The following PTCD3 variants were observed in gnomAD, a reference collection of about 807,000 sequenced individuals.
The protein encoded by PTCD3 is pentatricopeptide repeat domain 3.
PTCD3 carries 89 observed loss-of-function variants against 101.9 expected under a neutral mutation model. That is an observed-to-expected ratio of 0.87 (90% CI 0.74 to 1.04). PTCD3 has a LOEUF of 1.04. PTCD3 is among the 50% of genes least tolerant of loss of function. The pLI is 0.00. For synonymous variants in PTCD3, 296 were observed against 278.5 expected, an observed-to-expected ratio of 1.06 and a Z score of -0.63; for missense variants, 870 against 828.2, an observed-to-expected ratio of 1.05 and a Z score of -0.62.
At chr2:86,135,557 G>A (rs1674569526) in intron 21 of PTCD3, among the ~76,000 whole-genome samples, 1 of 152,174 alleles carries the variant, frequency 6.6e-6, no homozygotes, top group Non-Finnish European at 1.5e-5. Context: ...GCATATTCAT[G>A]TTTCCAAAAA....
chr2:86,132,622 G>GT (rs11333311), intron 17 of PTCD3, 198 bp downstream of exon 17: 7,540 of 218,006 alleles, frequency 0.035, 302 homozygotes, highest in East Asian at 0.19. Context: ...TCCTTTAAGG[G>GT]TTTTTTTTTT....
At position 86,140,875 on chromosome 2, in the gene PTCD3, A is replaced by T. The variant is rs1388935063; in HGVS notation, c.*3316A>T. 2 of 147,550 alleles carry T rather than the reference A, an allele frequency of 1.4e-5. No homozygotes were observed. The highest frequency in any genetic ancestry group is 5.0e-5 in the African/African-American group (2 of 40,032). 9.1% of individuals were successfully genotyped at this position (147,550 alleles called of 1,614,324 possible). A position where few individuals can be genotyped will look rare whatever the true frequency, so the allele number is the denominator to read the frequency against. On this transcript the variant is annotated 3_prime_UTR_variant, in exon 24 of 24. Transcript: ENST00000254630. ...TGGAGGATTGCTTGAGTTCAAGACCAGCCTGAGCAACACAGTGAAAACCCA... is the reference window on the plus strand; with the variant it reads ...TGGAGGATTGCTTGAGTTCAAGACCTGCCTGAGCAACACAGTGAAAACCCA...
Position 86,137,459 on chromosome 2 carries a change from T to A in PTCD3, c.1980-10T>A, listed in dbSNP as rs201475270. ...TTGCAGTGTAATCCTCCATTTTCTT[T>A]TCTTAACAGGGAAGCCCTAAGTAAT... On this transcript the variant is annotated splice_polypyrimidine_tract_variant and intron_variant, in intron 23 of 23. Transcript: ENST00000254630. 4.3e-6 allele frequency: 7 copies of A among 1,613,288 alleles called. No homozygotes were observed. In the Admixed American group the frequency reaches 1.2e-4, roughly 27 times the overall value.
At chr2:86,130,090 A>G (rs1674468788) in intron 14 of PTCD3, among the ~76,000 whole-genome samples, 1 of 152,180 alleles carries the variant, frequency 6.6e-6, no homozygotes, top group African/African-American at 2.4e-5. Context: ...TCACGAGGTC[A>G]GGAGTTCAAG....
At chr2:86,108,248 T>C in intron 1 of PTCD3, 102 bp from the exon 2 acceptor site, 1 of 1,301,798 alleles carries the variant, frequency 7.7e-7, no homozygotes, top group Non-Finnish European at 1.1e-6. Context: ...TCCAGTTTAA[T>C]CCGTGATAAT....
intron 4 of PTCD3, among the ~76,000 whole-genome samples, 194 bp from the exon 5 acceptor site, chr2:86,116,336 G>C (rs1196535641): frequency 6.6e-6 from 1 of 152,142 alleles, no homozygotes; most frequent in East Asian, 1.9e-4. Flanking sequence ...AGGAGTTTGA[G>C]ACCAGCTTGG....
intron 16 of PTCD3, among the ~76,000 whole-genome samples, chr2:86,131,439 G>A (rs1446297113): frequency 6.6e-6 from 1 of 152,108 alleles, no homozygotes; most frequent in Non-Finnish European, 1.5e-5. Context: ...GTTTCACCAT[G>A]TTGACCAGAC....
At chr2:86,117,181 A>G (rs1384953004) in intron 6 of PTCD3, 22 bp downstream of exon 6, 1 of 849,724 alleles carries the variant, frequency 1.2e-6, no homozygotes, top group Non-Finnish European at 2.0e-6. Context: ...TAGTTACATT[A>G]TTTACATAAT....
chr2:86,107,301 C>T (rs982881220), intron 1 of PTCD3: 1 of 450,638 alleles, frequency 2.2e-6, no homozygotes, highest in South Asian at 1.6e-5. Context: ...GTTTTAAGGT[C>T]ATGAGAAACA....
At chr2:86,132,268 C>A in intron 16 of PTCD3, 50 bp from the exon 17 acceptor site, 1 of 1,109,392 alleles carries the variant, frequency 9.0e-7, no homozygotes, top group South Asian at 1.4e-5. Context: ...ATTTGTGAAC[C>A]ACTGGCTGAC....
chr2:86,137,115 G>T lies in PTCD3; in HGVS notation c.1954G>T (p.Asp652Tyr). The T allele has an allele frequency of 6.3e-7, 1 of 1,591,582 alleles. No homozygotes were observed. The highest frequency in any genetic ancestry group is 8.5e-7 in the Non-Finnish European group (1 of 1,170,206). ...CEGLTQRVMSDFAINQEQKEA... is the reference protein window; with the variant it reads ...CEGLTQRVMSYFAINQEQKEA... ...GGGCCTCACCCAGAGAGTAATGAGTGATTTTGCAATCAACCAGGAACAAAA... is the reference window on the plus strand; with the variant it reads ...GGGCCTCACCCAGAGAGTAATGAGTTATTTTGCAATCAACCAGGAACAAAA... The change falls in exon 23 of 24, where the codon GAT (aspartate) becomes TAT (tyrosine). Residue 652 changes from aspartate (D) to tyrosine (Y), a missense_variant. Coordinates refer to ENST00000254630, the MANE Select transcript of PTCD3 (RefSeq NM_017952.6).
rs1355224862 is a variant in PTCD3 at position 86,136,465 on chromosome 2, G to A, written c.1779-56G>A. On this transcript the variant is annotated intron_variant, in intron 21 of 23. Coordinates refer to ENST00000254630, the MANE Select transcript of PTCD3 (RefSeq NM_017952.6). ...ATTTCAGAGAGAAGACAGCTATAGT[G>A]TCTGATTGCCTTGTTTTTCTAATAG... 3 of 1,502,318 alleles carry A rather than the reference G, an allele frequency of 2.0e-6. No individual in the cohort carries two copies. The East Asian group carries it at 6.8e-5, about 34-fold the overall frequency. The allele number at this position is 1,502,318 out of a possible 1,614,324, so 93.1% of individuals were successfully genotyped here. A position where few individuals can be genotyped will look rare whatever the true frequency, so the allele number is the denominator to read the frequency against.
At chr2:86,130,085 A>G (rs753056475) in intron 14 of PTCD3, among the ~76,000 whole-genome samples, 4 of 152,124 alleles carry the variant, frequency 2.6e-5, no homozygotes, top group Non-Finnish European at 5.9e-5. Flanking sequence ...GCAGATCACG[A>G]GGTCAGGAGT....
chr2:86,128,404 G>T (rs1012459233), intron 14 of PTCD3, among the ~76,000 whole-genome samples: 1 of 152,020 alleles, frequency 6.6e-6, no homozygotes, highest in African/African-American at 2.4e-5. Context: ...AACAGGAATT[G>T]GGTAGAATAT....
At chr2:86,136,694 C>A (rs1357785804) in intron 22 of PTCD3, 132 bp downstream of exon 22, 2 of 1,079,586 alleles carry the variant, frequency 1.9e-6, no homozygotes, top group Non-Finnish European at 2.8e-6. Flanking sequence ...TCCCTACTAT[C>A]CAGGGCATCC....
At chr2:86,131,473 C>T (rs1674493785) in intron 16 of PTCD3, among the ~76,000 whole-genome samples, 1 of 152,106 alleles carries the variant, frequency 6.6e-6, no homozygotes, top group African/African-American at 2.4e-5. Flanking sequence ...CTGACCACCT[C>T]CCAAAGTGCT....
chr2:86,130,827 G>A, intron 15 of PTCD3, 90 bp downstream of exon 15: 14 of 1,512,156 alleles, frequency 9.3e-6, no homozygotes, highest in Non-Finnish European at 1.2e-5. Flanking sequence ...GATCCCTATA[G>A]CTTAGAAGTA....
intron 16 of PTCD3, among the ~76,000 whole-genome samples, chr2:86,131,413 T>C (rs1674492903): frequency 6.6e-6 from 1 of 152,158 alleles, no homozygotes; most frequent in African/African-American, 2.4e-5. Flanking sequence ...TTTGTATTTT[T>C]TGTGGTAGAG....
At chr2:86,137,354 A>G (rs532152379) in intron 23 of PTCD3, 115 bp from the exon 24 acceptor site, 11 of 1,443,502 alleles carry the variant, frequency 7.6e-6, no homozygotes, top group South Asian at 6.7e-5. Context: ...ATGCAACTGC[A>G]GGGTCCCTTT....
Sources: allele counts gnomAD v4.1 joint callset (sites outside exome capture counted in the v4.1 genomes callset), GRCh38; gene constraint gnomAD v4.1.1; transcripts MANE v1.5; gene names NCBI Gene and HGNC (gene_info 2026-07-23, HGNC 2026-07-21).